Variants in CDKL1 observed in about 807,000 individuals in gnomAD.
CDKL1 encodes the protein cyclin-dependent kinase-like 1.
A neutral mutation model predicts 42.0 loss-of-function variants in CDKL1; 41 were observed. The ratio of observed to expected loss-of-function variants is 0.98; its 90% CI spans 0.76 to 1.27. CDKL1 has a LOEUF of 1.27. Ranked by LOEUF, CDKL1 falls within the 50% of genes most tolerant of loss-of-function variation. The pLI is 0.00. For synonymous variants in CDKL1, 153 were observed against 158.6 expected, an observed-to-expected ratio of 0.96 and a Z score of 0.26; for missense variants, 394 against 428.4, an observed-to-expected ratio of 0.92 and a Z score of 0.71.
Position 50,342,150 on chromosome 14 carries a change from C to T in CDKL1, c.436G>A (p.Gly146Arg). ...TACTCACTCAAAAGCCGAGCAAATC[C>T]AAAGTCACAAAGCTTAATCACGGAA... Reference protein sequence around the residue: ...KHSVIKLCDFGFARLLTGPSD... With the variant: ...KHSVIKLCDFRFARLLTGPSD... Residue 146 changes from glycine (G) to arginine (R), a missense_variant, in exon 5 of 10, where the codon GGA (glycine) becomes AGA (arginine). Physicochemically the swap from Gly to Arg is moderately radical, Grantham distance 125. Transcript: ENST00000395834. The T allele has an allele frequency of 6.2e-7, 1 of 1,614,010 alleles. No homozygotes were observed. Among genetic ancestry groups the T allele is most frequent in the Non-Finnish European group, 8.5e-7 (1 of 1,179,998 alleles).
At chr14:50,334,943 G>T in intron 7 of CDKL1, 2 of 228,186 alleles carry the variant, frequency 8.8e-6, no homozygotes, top group Non-Finnish European at 1.7e-5. Flanking sequence ...GGGGGTGGGG[G>T]GGCTCAAGTT....
At chr14:50,365,467 A>G (rs2034411038) in intron 2 of CDKL1, among the ~76,000 whole-genome samples, 1 of 152,186 alleles carries the variant, frequency 6.6e-6, no homozygotes, top group Admixed American at 6.5e-5. Flanking sequence ...GGTTATAAAT[A>G]TTAAATTATC....
chr14:50,340,107 T>C (rs1327679779), intron 6 of CDKL1, among the ~76,000 whole-genome samples: 3 of 152,084 alleles, frequency 2.0e-5, no homozygotes, highest in African/African-American at 7.2e-5. Flanking sequence ...AGGGGTGACA[T>C]GGGGAGGCTG....
At chr14:50,344,182 C>T (rs537888303) in intron 4 of CDKL1, among the ~76,000 whole-genome samples, 64 of 152,276 alleles carry the variant, frequency 4.2e-4, no homozygotes, top group Non-Finnish European at 7.6e-4. Context: ...CTCTACCAGC[C>T]GCCTGTGGCC....
At chr14:50,355,664 G>T (rs1413782347) in intron 3 of CDKL1, among the ~76,000 whole-genome samples, 1 of 152,206 alleles carries the variant, frequency 6.6e-6, no homozygotes, top group African/African-American at 2.4e-5. Flanking sequence ...TGCCCTTGAG[G>T]ATTGTGCATT....
intron 9 of CDKL1, 23 bp downstream of exon 9, chr14:50,332,239 A>G (rs770213783): frequency 6.2e-7 from 1 of 1,613,658 alleles, no homozygotes; most frequent in South Asian, 1.1e-5. Flanking sequence ...GGTGGCAGGT[A>G]GGAGATCATT....
Position 50,363,554 on chromosome 14 carries a change from T to C in CDKL1, c.169-4405A>G, listed in dbSNP as rs115641396. Among the ~76,000 whole-genome samples the C allele has an allele frequency of 7.8e-3, 1,183 of 152,352 alleles. 9 individuals carry two copies. Among genetic ancestry groups the C allele is most frequent in the Middle Eastern group, 0.051 (15 of 292 alleles). On this transcript the variant is annotated intron_variant, in intron 2 of 9. Coordinates refer to ENST00000395834, the MANE Select transcript of CDKL1 (RefSeq NM_004196.7). ...AAATAATCATCCTTAGGCTTTACTT[T>C]CATTTTCACACTATTTGCTCCCTTG...
At position 50,342,222 on chromosome 14, in the gene CDKL1, A is replaced by G; in HGVS notation, c.364T>C (p.Cys122Arg). 6.2e-7 allele frequency: 1 copy of G among 1,611,718 alleles called. No individual in the cohort carries two copies. Among genetic ancestry groups the G allele is most frequent in the Non-Finnish European group, 8.5e-7 (1 of 1,177,800 alleles). Residue 122 changes from cysteine (C) to arginine (R), a missense_variant and splice_region_variant, in exon 5 of 10, where the codon TGC becomes CGC. By Grantham distance (180) the Cys-to-Arg change is radical. Transcript: ENST00000395834. ...TCTGGCTTCACGTCTCTATGTATGC[A>G]CTAGTGTAACAAATCAAAACAAAAA... ...QAVNFCHKHN[C>R]IHRDVKPENI...
rs1218394512 is a variant in CDKL1, at chr14:50,328,155, A to G, written c.*1919T>C. 6.6e-6 allele frequency: 1 copy of G among 152,152 alleles called. No individual in the cohort carries two copies. The highest frequency in any genetic ancestry group is 2.4e-5 in the African/African-American group (1 of 41,422). The allele number at this position is 152,152 out of a possible 1,614,324, so 9.4% of individuals were successfully genotyped here. ...ATTCTGAATAGTTTTTGGTAAAACT[A>G]TTGGCTGAATTATTAGGCTGTTATA... On this transcript the variant is annotated 3_prime_UTR_variant, in exon 10 of 10. Transcript: ENST00000395834.
intron 4 of CDKL1, chr14:50,343,177 G>GTTTTTTTC (rs1566580369): frequency 5.0e-6 from 2 of 400,752 alleles, no homozygotes; most frequent in African/African-American, 2.5e-5. Flanking sequence ...TTTTTTTTGA[G>GTTTTTTTC]TTGGGTCAAA....
chr14:50,335,507 GC>G (rs756734953), intron 7 of CDKL1: 1 of 1,536,022 alleles, frequency 6.5e-7, no homozygotes, highest in African/African-American at 1.4e-5. Context: ...TCTCCTTTTG[GC>G]CGTATAAGGC....
chr14:50,384,290 T>C (rs964671245), intron 2 of CDKL1, among the ~76,000 whole-genome samples: 4 of 152,218 alleles, frequency 2.6e-5, no homozygotes, highest in Non-Finnish European at 5.9e-5. Flanking sequence ...ACTGGCAGCT[T>C]ATATGGCAAA....
At chr14:50,333,694 G>A (rs1031513512) in intron 8 of CDKL1, 1 of 152,098 alleles carries the variant, frequency 6.6e-6, no homozygotes, top group Admixed American at 6.6e-5. Flanking sequence ...TTTCTTGCAT[G>A]AGGTCCAAGA....
chr14:50,387,477 C>A (rs1383732601), intron 2 of CDKL1, among the ~76,000 whole-genome samples: 2 of 151,348 alleles, frequency 1.3e-5, no homozygotes. Context: ...GAGCCCAGAT[C>A]ATATCATTAC....
chr14:50,378,271 C>G, intron 2 of CDKL1: 1 of 1,366,398 alleles, frequency 7.3e-7, no homozygotes, highest in Non-Finnish European at 9.8e-7. Flanking sequence ...CTTCTAGGGC[C>G]CACGGACCTA....
rs80015322 is a variant in CDKL1 at position 50,367,828 on chromosome 14, A to G, written c.169-8679T>C. ...ATCACCGTCCTTCAGTTAATGCTCT[A>G]TCTAGAAGCACGGGCCTGCTCGGAC... On this transcript the variant is annotated intron_variant, in intron 2 of 9. Transcript: ENST00000395834. Among the ~76,000 whole-genome samples the G allele has an allele frequency of 2.6e-3, 398 of 152,312 alleles. 2 individuals are homozygous for G. Among genetic ancestry groups the G allele is most frequent in the African/African-American group, 9.0e-3 (375 of 41,552 alleles).
intron 2 of CDKL1, chr14:50,362,076 G>A (rs1289758173): frequency 8.5e-5 from 20 of 235,136 alleles, no homozygotes; most frequent in South Asian, 2.5e-4. Flanking sequence ...TGGGCCAGCA[G>A]CTGCTGTGCT....
At chr14:50,332,468 C>G (rs757972870) in intron 8 of CDKL1, 36 bp from the exon 9 acceptor site, 60 of 1,567,896 alleles carry the variant, frequency 3.8e-5, no homozygotes, top group Non-Finnish European at 5.0e-5. Context: ...CTTACTTCTT[C>G]AAAATTGTAT....
chr14:50,378,051 T>C, intron 2 of CDKL1: 4 of 873,648 alleles, frequency 4.6e-6, no homozygotes, highest in Non-Finnish European at 6.2e-6. Flanking sequence ...AGAATCATCC[T>C]GAGATCTAGG....
Sources: allele counts gnomAD v4.1 joint callset (sites outside exome capture counted in the v4.1 genomes callset), GRCh38; gene constraint gnomAD v4.1.1; transcripts MANE v1.5; gene names NCBI Gene and HGNC (gene_info 2026-07-23, HGNC 2026-07-21).